CUX2: variants seen among roughly 807,000 people sequenced by gnomAD.
CUX2 encodes cut like homeobox 2.
In CUX2, 40 loss-of-function variants were observed where a neutral mutation model predicts 144.8. The observed-to-expected ratio is 0.28, with a 90% confidence interval of 0.21 to 0.36. The LOEUF is 0.36. Ranked by LOEUF, CUX2 falls within the 10% of genes least tolerant of loss-of-function variation. The pLI is 1.00. For synonymous variants in CUX2, 827 were observed against 875.6 expected, an observed-to-expected ratio of 0.94 and a Z score of 0.98; for missense variants, 1,615 against 1,994.0, an observed-to-expected ratio of 0.81 and a Z score of 3.62.
chr12:111,156,252 C>T (rs943763398), intron 1 of CUX2, among the ~76,000 whole-genome samples: 2 of 152,166 alleles, frequency 1.3e-5, no homozygotes, highest in African/African-American at 2.4e-5. Flanking sequence ...CCCAAGAAAC[C>T]TGATGGAAGC....
At chr12:111,070,133 T>C (rs1871195528) in intron 1 of CUX2, among the ~76,000 whole-genome samples, 1 of 152,180 alleles carries the variant, frequency 6.6e-6, no homozygotes, top group South Asian at 2.1e-4. Flanking sequence ...TGTAAGTCTC[T>C]GAACTGCCCA....
chr12:111,182,722 G>T (rs1003090421), intron 1 of CUX2, among the ~76,000 whole-genome samples: 10 of 152,196 alleles, frequency 6.6e-5, no homozygotes, highest in African/African-American at 2.4e-4. Flanking sequence ...GGGTCCTGCA[G>T]AAATTGGCTG....
Position 111,304,228 on chromosome 12 carries a change from C to A in CUX2, c.772C>A (p.Arg258=), listed in dbSNP as rs377564745. 4 of 1,613,492 alleles carry A rather than the reference C, an allele frequency of 2.5e-6. No homozygotes were observed. The highest frequency in any genetic ancestry group is 3.4e-6 in the Non-Finnish European group (4 of 1,179,754). ...TCCCCAGCGAGCTGAGGCTGCCCAG[C>A]GGGAGGTGGAAAGTCTCCGGGAACA... ...KANQRAEAAQ[R]EVESLREQLA... is the part of the protein sequence containing the mutation. The change falls in exon 10 of 22, where the codon CGG becomes AGG. Residue 258 remains arginine (R), a synonymous_variant. Coordinates refer to ENST00000261726, the MANE Select transcript of CUX2 (RefSeq NM_015267.4). This position sits in a 1 kb window ranked among gnomAD's most constrained non-coding sequence, Gnocchi z 4.7.
intron 4 of CUX2, among the ~76,000 whole-genome samples, chr12:111,288,857 G>C (rs918451340): frequency 6.6e-6 from 1 of 152,174 alleles, no homozygotes; most frequent in Admixed American, 6.5e-5. Context: ...CAGCTACTCA[G>C]TAGGCTGAGG....
In CUX2 at chr12:111,160,646, T is replaced by C. The variant is rs775608206; in HGVS notation, c.64-53554T>C. 6.6e-5 allele frequency among the ~76,000 whole-genome samples: 10 copies of C among 151,996 alleles called. No homozygotes were observed. Among genetic ancestry groups the C allele is most frequent in the Non-Finnish European group, 1.0e-4 (7 of 67,994 alleles). On this transcript the variant is annotated intron_variant, in intron 1 of 21. Transcript: ENST00000261726. This position sits in a 1 kb window ranked among gnomAD's most constrained non-coding sequence, Gnocchi z 4.1. The stretch of plus-strand genomic sequence containing the variant: ...TTTGTCTCCATGTCCAGGGAGCCAA[T>C]GGAGGGCTATGCAGAGGAGTGACGC...
intron 1 of CUX2, among the ~76,000 whole-genome samples, chr12:111,064,910 A>G (rs938990604): frequency 6.6e-5 from 10 of 152,250 alleles, no homozygotes; most frequent in Admixed American, 5.2e-4. Flanking sequence ...AGTAAATATC[A>G]TCCTCATAAT....
At chr12:111,268,872 AC>A (rs1416016011) in intron 4 of CUX2, among the ~76,000 whole-genome samples, 1 of 151,888 alleles carries the variant, frequency 6.6e-6, no homozygotes, top group Non-Finnish European at 1.5e-5. Flanking sequence ...CCCTGTACAG[AC>A]CCCAGAGATG....
rs572648825 is a variant in CUX2, at chr12:111,219,431, A to G, written c.222+1494A>G. Among the ~76,000 whole-genome samples, 8 of 151,704 alleles carry G rather than the reference A, an allele frequency of 5.3e-5. 2 individuals carry two copies. The highest frequency in any genetic ancestry group is 1.9e-4 in the African/African-American group (8 of 41,386). On this transcript the variant is annotated intron_variant, in intron 3 of 21. Coordinates refer to ENST00000261726, the MANE Select transcript of CUX2 (RefSeq NM_015267.4). ...TTCCCATCTACCAACTCCTAGTCCC[A>G]GGAGAGCTGCTCAGCACACAAGCTC...
chr12:111,227,480 T>G (rs1882213077), intron 3 of CUX2, among the ~76,000 whole-genome samples: 1 of 152,046 alleles, frequency 6.6e-6, no homozygotes, highest in Non-Finnish European at 1.5e-5. Context: ...GTAAAGAGGA[T>G]CGTGGTGATT....
intron 3 of CUX2, among the ~76,000 whole-genome samples, chr12:111,229,825 A>G (rs1270864677): frequency 6.6e-6 from 1 of 152,090 alleles, no homozygotes; most frequent in African/African-American, 2.4e-5. Context: ...GTTCAAGACC[A>G]GCCTGGGTAA....
chr12:111,320,404 C>T lies in CUX2; in HGVS notation c.2395C>T (p.Pro799Ser), dbSNP rs893358321. The stretch of plus-strand genomic sequence containing the variant: ...CTCCGACCGCGGCCTGCTCAGCCGC[C>T]CCTACGCCTCCGTGTCGCCCTCGCT... ...WASDRGLLSR[P>S]YASVSPSLSS... The change falls in exon 17 of 22, where the codon CCC (proline) becomes TCC (serine). Residue 799 changes from proline (P) to serine (S), a missense_variant. By Grantham distance (74) the Pro-to-Ser change is moderately conservative. This residue lies in a region of CUX2 where 390 missense variants were observed against 387.1 expected (regional missense o/e 1.01). Transcript: ENST00000261726. The surrounding 1 kb of genome is among the most constrained non-coding windows in gnomAD (Gnocchi z 8.1). 8 of 1,597,744 alleles carry T rather than the reference C, an allele frequency of 5.0e-6. No homozygotes were observed. Among genetic ancestry groups the T allele is most frequent in the Non-Finnish European group, 6.8e-6 (8 of 1,179,082 alleles).
At chr12:111,040,800 C>T (rs1424107528) in intron 1 of CUX2, among the ~76,000 whole-genome samples, 1 of 152,158 alleles carries the variant, frequency 6.6e-6, no homozygotes, top group African/African-American at 2.4e-5. Context: ...CTCCACTCTG[C>T]CATTAGCATG....
intron 3 of CUX2, among the ~76,000 whole-genome samples, chr12:111,221,249 G>A (rs538857637): frequency 3.9e-5 from 6 of 152,098 alleles, no homozygotes; most frequent in African/African-American, 7.2e-5. Context: ...TGCTTTTCTC[G>A]TGATCTATTG....
chr12:111,044,638 G>A (rs1331396942), intron 1 of CUX2, among the ~76,000 whole-genome samples: 1 of 152,188 alleles, frequency 6.6e-6, no homozygotes, highest in African/African-American at 2.4e-5. Flanking sequence ...ATTTATTTGT[G>A]TATTTATTTG....
chr12:111,223,896 G>A (rs1453703914), intron 3 of CUX2, among the ~76,000 whole-genome samples: 1 of 152,112 alleles, frequency 6.6e-6, no homozygotes, highest in Non-Finnish European at 1.5e-5. Context: ...GGGGAGTAGG[G>A]AACCCTCCCT....
chr12:111,224,726 G>A (rs1882040619), intron 3 of CUX2, among the ~76,000 whole-genome samples: 1 of 151,924 alleles, frequency 6.6e-6, no homozygotes, highest in Admixed American at 6.6e-5. Context: ...GAGCAGGGGA[G>A]GCCAGGGAGC....
Position 111,348,655 on chromosome 12 carries a change from T to G in CUX2, c.*330T>G. 4.6e-6 allele frequency: 1 copy of G among 217,236 alleles called. No individual in the cohort carries two copies. Among genetic ancestry groups the G allele is most frequent in the Non-Finnish European group, 9.1e-6 (1 of 110,264 alleles). The allele number at this position is 217,236 out of a possible 1,614,324, so 13.5% of individuals were successfully genotyped here. A position where few individuals can be genotyped will look rare whatever the true frequency, so the allele number is the denominator to read the frequency against. Reference sequence around the variant, plus strand: ...TAAATAAATATTTATAGACCTCTTTTAGATATTTTAATAAAGGATCCTTTG... The same window carrying G: ...TAAATAAATATTTATAGACCTCTTTGAGATATTTTAATAAAGGATCCTTTG... On this transcript the variant is annotated 3_prime_UTR_variant, in exon 22 of 22. Transcript: ENST00000261726.
chr12:111,258,583 C>T (rs12820220), intron 3 of CUX2, among the ~76,000 whole-genome samples: 3 of 148,930 alleles, frequency 2.0e-5, no homozygotes, highest in African/African-American at 7.5e-5. Context: ...TGCCTTGAAA[C>T]GAGACTGAAT....
At chr12:111,184,859 C>T (rs962183650) in intron 1 of CUX2, among the ~76,000 whole-genome samples, 2 of 152,050 alleles carry the variant, frequency 1.3e-5, no homozygotes, top group Non-Finnish European at 2.9e-5. Context: ...GTCAGGAGAT[C>T]GAGATCATCC....
Sources: gnomAD v4.1 joint callset for allele counts (sites outside exome capture counted in the v4.1 genomes callset) on GRCh38, gnomAD v4.1.1 for gene constraint, gnomAD v4.1.1 regional missense constraint, Gnocchi (gnomAD v3.1) non-coding constraint, MANE v1.5 for transcripts, NCBI Gene and HGNC (gene_info 2026-07-23, HGNC 2026-07-21) for gene names.